DNAJA3: variants seen among roughly 807,000 people sequenced by gnomAD.
DNAJA3 encodes DnaJ heat shock protein family (Hsp40) member A3.
DNAJA3 carries 29 observed loss-of-function variants against 54.9 expected under a neutral mutation model. The ratio of observed to expected loss-of-function variants is 0.53; its 90% CI spans 0.39 to 0.72. The LOEUF (loss-of-function observed/expected upper bound fraction) is 0.72, where lower values mean the gene tolerates loss of function less well. Ranked by LOEUF, DNAJA3 falls within the 30% of genes least tolerant of loss-of-function variation. The probability of loss-of-function intolerance (pLI) is 0.00; values close to 1 mark genes in which losing one functional copy is unlikely to be tolerated. For synonymous variants in DNAJA3, 302 were observed against 251.4 expected (o/e 1.20, Z -1.90); for missense variants, 708 against 639.4 (o/e 1.11, Z -1.16).
chr16:4,426,341 C>T (rs1162901575), intron 1 of DNAJA3, among the ~76,000 whole-genome samples: 1 of 152,212 alleles, frequency 6.6e-6, no homozygotes, highest in Non-Finnish European at 1.5e-5. Context: ...GAACCTTCAC[C>T]TCTCTGTCAA....
intron 10 of DNAJA3, among the ~76,000 whole-genome samples, chr16:4,452,872 C>T (rs1459809461): frequency 6.6e-6 from 1 of 152,188 alleles, no homozygotes; most frequent in Non-Finnish European, 1.5e-5. Context: ...GACAGCGACA[C>T]TGTACTCCAG....
At chr16:4,446,618 C>G (rs2141388701) in intron 7 of DNAJA3, among the ~76,000 whole-genome samples, 1 of 152,176 alleles carries the variant, frequency 6.6e-6, no homozygotes, top group Non-Finnish European at 1.5e-5. Context: ...ATGGCTTGAT[C>G]TGAGACTGAG....
At chr16:4,437,694 A>C in intron 3 of DNAJA3, 1 of 476,816 alleles carries the variant, frequency 2.1e-6, no homozygotes, top group Non-Finnish European at 3.7e-6. Flanking sequence ...CACTTTGGGA[A>C]GCTGAGGCAG....
At chr16:4,443,533 C>T (rs1233209149) in intron 6 of DNAJA3, among the ~76,000 whole-genome samples, 1 of 152,138 alleles carries the variant, frequency 6.6e-6, no homozygotes, top group Non-Finnish European at 1.5e-5. Context: ...ACCCTATCTA[C>T]ATCAGCCCCA....
chr16:4,444,394 C>T (rs1270360830), intron 6 of DNAJA3, among the ~76,000 whole-genome samples: 1 of 145,976 alleles, frequency 6.9e-6, no homozygotes, highest in Non-Finnish European at 1.5e-5. Flanking sequence ...GCCAGGCTGG[C>T]GTGTAGTGGA....
chr16:4,442,478 TG>T, intron 5 of DNAJA3, 58 bp downstream of exon 5: 1 of 1,501,970 alleles, frequency 6.7e-7, no homozygotes, highest in Non-Finnish European at 8.9e-7. Context: ...TGAGAAGAGC[TG>T]GTTGTGGCAC....
chr16:4,444,583 C>G, intron 6 of DNAJA3, 81 bp from the exon 7 acceptor site: 1 of 1,245,040 alleles, frequency 8.0e-7, no homozygotes, highest in Non-Finnish European at 1.2e-6. Context: ...ATCTGCCCGC[C>G]TCGGCCTCCC....
intron 1 of DNAJA3, chr16:4,430,698 C>G (rs1170989105): frequency 6.6e-6 from 1 of 151,996 alleles, no homozygotes; most frequent in Non-Finnish European, 1.5e-5. Context: ...AATAAATAGT[C>G]TATTAAATGA....
intron 1 of DNAJA3, among the ~76,000 whole-genome samples, chr16:4,431,359 CCTA>C (rs1227890635): frequency 2.0e-5 from 3 of 152,202 alleles, no homozygotes; most frequent in Non-Finnish European, 4.4e-5. Context: ...TCTCCTGACC[CCTA>C]CTACTTCCAG....
At chr16:4,436,541 T>A (rs900160403) in intron 2 of DNAJA3, among the ~76,000 whole-genome samples, 1 of 152,178 alleles carries the variant, frequency 6.6e-6, no homozygotes, top group Non-Finnish European at 1.5e-5. Context: ...TTTTTAAAAA[T>A]TTTTTCTTTT....
chr16:4,454,799 G>C lies in DNAJA3; in HGVS notation c.1340-12G>C. ...GCCCATGACGCCAGTTCTTTCTGCT[G>C]TTTGTGCCCAGGTGGCAGCACCATG... On this transcript the variant is annotated splice_polypyrimidine_tract_variant and intron_variant, in intron 10 of 11. Transcript: ENST00000262375. The C allele has an allele frequency of 1.2e-6, 2 of 1,605,482 alleles. No individual in the cohort carries two copies. The highest frequency in any genetic ancestry group is 1.7e-6 in the Non-Finnish European group (2 of 1,172,614).
chr16:4,430,740 T>C (rs2056687829), intron 1 of DNAJA3: 1 of 151,918 alleles, frequency 6.6e-6, no homozygotes, highest in African/African-American at 2.4e-5. Flanking sequence ...TGATGCCCTA[T>C]GGATAATGTC....
At chr16:4,438,098 C>A (rs1476287694) in intron 3 of DNAJA3, among the ~76,000 whole-genome samples, 2 of 152,070 alleles carry the variant, frequency 1.3e-5, no homozygotes, top group Non-Finnish European at 2.9e-5. Context: ...AGGTGGATCA[C>A]CAGGTCAGGA....
In DNAJA3 at chr16:4,455,733, G is replaced by GGCAGT; in HGVS notation, c.*202_*206dup. 1 of 757,418 alleles carries GGCAGT rather than the reference G, an allele frequency of 1.3e-6. No individual in the cohort carries two copies. Among genetic ancestry groups the GGCAGT allele is most frequent in the South Asian group, 1.7e-5 (1 of 58,272 alleles). 46.9% of individuals were successfully genotyped at this position (757,418 alleles called of 1,614,324 possible). ...CGGAAAGGTCACAGTGGACAGCCCGGGCAGTAGGATGCAGCCCCAGAGGCT... is the reference window on the plus strand; with the variant it reads ...CGGAAAGGTCACAGTGGACAGCCCGGGCAGTGCAGTAGGATGCAGCCCCAGAGGCT... On this transcript the variant is annotated 3_prime_UTR_variant, in exon 12 of 12. Transcript: ENST00000262375.
intron 10 of DNAJA3, among the ~76,000 whole-genome samples, chr16:4,451,698 A>G (rs1218950371): frequency 1.4e-5 from 2 of 142,332 alleles, no homozygotes; most frequent in Non-Finnish European, 3.0e-5. Context: ...CAGAGGATGC[A>G]GTGAGCCAAG....
In DNAJA3 at chr16:4,441,543, G is replaced by C. The variant is rs755463733; in HGVS notation, c.598G>C (p.Asp200His). The C allele has an allele frequency of 6.2e-7, 1 of 1,614,166 alleles. No individual in the cohort carries two copies. Among genetic ancestry groups the C allele is most frequent in the Non-Finnish European group, 8.5e-7 (1 of 1,180,050 alleles). Residue 200 changes from aspartate (D) to histidine (H), a missense_variant, in exon 4 of 12, where the codon GAT becomes CAT. Coordinates refer to ENST00000262375, the MANE Select transcript of DNAJA3 (RefSeq NM_005147.6). The part of the protein sequence containing the change: ...FGEFSSSSFG[D>H]FQTVFDQPQE... ...CGAGTTCTCATCCTCTTCATTTGGA[G>C]ATTTCCAGACCGTGTTTGATCAGCC...
In DNAJA3 at chr16:4,448,315, G is replaced by A. The variant is rs1596369856; in HGVS notation, c.1126-418G>A. Among the ~76,000 whole-genome samples, 3 of 148,312 alleles carry A rather than the reference G, an allele frequency of 2.0e-5. 1 individual carries two copies. In the South Asian group the frequency reaches 6.4e-4, roughly 32 times the overall value. ...GCTGGGATTACAGGCATGAGCCACTGCGCCCGGCCTTTTTTTTTACCCACC... is the reference window on the plus strand; with the variant it reads ...GCTGGGATTACAGGCATGAGCCACTACGCCCGGCCTTTTTTTTTACCCACC... On this transcript the variant is annotated intron_variant, in intron 8 of 11. Coordinates refer to ENST00000262375, the MANE Select transcript of DNAJA3 (RefSeq NM_005147.6).
chr16:4,447,227 G>T (rs578076401), intron 8 of DNAJA3: 152 of 579,408 alleles, frequency 2.6e-4, no homozygotes, highest in Middle Eastern at 9.3e-4. Context: ...GCAGTTCCTG[G>T]CTGGCATCAC....
In DNAJA3 at chr16:4,441,548, C is replaced by G. The variant is rs781398518; in HGVS notation, c.603C>G (p.Phe201Leu). Residue 201 changes from phenylalanine (F) to leucine (L), a missense_variant, in exon 4 of 12, where the codon TTC becomes TTG. Coordinates refer to ENST00000262375, the MANE Select transcript of DNAJA3 (RefSeq NM_005147.6). Reference protein sequence around the residue: ...GEFSSSSFGDFQTVFDQPQEY... With the variant: ...GEFSSSSFGDLQTVFDQPQEY... ...TCTCATCCTCTTCATTTGGAGATTT[C>G]CAGACCGTGTTTGATCAGCCTCAGG... 1.5e-5 allele frequency: 24 copies of G among 1,613,988 alleles called. No individual in the cohort carries two copies. The highest frequency in any genetic ancestry group is 1.8e-5 in the Non-Finnish European group (21 of 1,180,044).
Sources: gnomAD v4.1 joint callset for allele counts (sites outside exome capture counted in the v4.1 genomes callset) on GRCh38, gnomAD v4.1.1 for gene constraint, MANE v1.5 for transcripts, NCBI Gene and HGNC (gene_info 2026-07-23, HGNC 2026-07-21) for gene names.